CNOT4: variants seen among roughly 807,000 people sequenced by gnomAD.
CNOT4 encodes CCR4-associated factor 4.
In CNOT4, 8 loss-of-function variants were observed where a neutral mutation model predicts 73.8. The ratio of observed to expected loss-of-function variants is 0.11; its 90% CI spans 0.06 to 0.20. The LOEUF is 0.20. Ranked by LOEUF, CNOT4 falls within the 10% of genes least tolerant of loss-of-function variation. The pLI, the probability that CNOT4 is intolerant of heterozygous loss-of-function variation, is 1.00. For missense variants in CNOT4, 564 were observed against 883.4 expected (o/e 0.64, Z 4.58); for synonymous variants, 293 against 321.1 (o/e 0.91, Z 0.94).
chr7:135,417,992 AC>A (rs1797963703), intron 3 of CNOT4, among the ~76,000 whole-genome samples: 1 of 152,212 alleles, frequency 6.6e-6, no homozygotes, highest in Admixed American at 6.6e-5. Flanking sequence ...AAAGGAAGGT[AC>A]TACTTATTTA....
chr7:135,479,302 A>G (rs1449869178), intron 1 of CNOT4, among the ~76,000 whole-genome samples: 1 of 133,888 alleles, frequency 7.5e-6, no homozygotes, highest in African/African-American at 2.9e-5. Context: ...TCCACTTCCC[A>G]GGTTCAAGCA....
chr7:135,389,916 G>A (rs1014156254), intron 10 of CNOT4, among the ~76,000 whole-genome samples: 1 of 152,120 alleles, frequency 6.6e-6, no homozygotes, highest in Non-Finnish European at 1.5e-5. Flanking sequence ...TAGTTTTTCA[G>A]TAAATTGGCA....
intron 10 of CNOT4, among the ~76,000 whole-genome samples, chr7:135,368,762 G>A (rs1795044738): frequency 6.6e-6 from 1 of 152,090 alleles, no homozygotes; most frequent in Non-Finnish European, 1.5e-5. Flanking sequence ...CTGTTTACTA[G>A]GAAGTACACA....
chr7:135,471,578 G>C (rs1335225155), intron 1 of CNOT4, among the ~76,000 whole-genome samples: 1 of 152,132 alleles, frequency 6.6e-6, no homozygotes, highest in Non-Finnish European at 1.5e-5. Context: ...TAAAATTATA[G>C]GCAGAATAGC....
At chr7:135,508,284 T>G (rs1313453553) in intron 1 of CNOT4, among the ~76,000 whole-genome samples, 1 of 150,858 alleles carries the variant, frequency 6.6e-6, no homozygotes, top group East Asian at 1.9e-4. Context: ...CAGGGCTGCT[T>G]CTTCCCATTT....
intron 1 of CNOT4, among the ~76,000 whole-genome samples, chr7:135,477,488 C>A (rs895083597): frequency 2.4e-4 from 36 of 152,188 alleles, no homozygotes; most frequent in Admixed American, 9.2e-4. Flanking sequence ...CTTATAGACA[C>A]ACCCAATATA....
In CNOT4 at chr7:135,396,187, G is replaced by A. The variant is rs145039030; in HGVS notation, c.880-304C>T. Among the ~76,000 whole-genome samples, 1,103 of 136,758 alleles carry A rather than the reference G, an allele frequency of 8.1e-3. 17 individuals are homozygous for A. The highest frequency in any genetic ancestry group is 0.03 in the African/African-American group (1,039 of 34,798). 89.7% of individuals were successfully genotyped at this position (136,758 alleles called of 152,430 possible). A position where few individuals can be genotyped will look rare whatever the true frequency, so the allele number is the denominator to read the frequency against. Reference sequence around the variant, plus strand: ...GGCTGGAGTGCAGTGGCTTGATCTCGGCTCACTGCAACCTCGGCCTCCGGG... The same window carrying A: ...GGCTGGAGTGCAGTGGCTTGATCTCAGCTCACTGCAACCTCGGCCTCCGGG... On this transcript the variant is annotated intron_variant, in intron 8 of 11. Coordinates refer to ENST00000541284, the MANE Select transcript of CNOT4 (RefSeq NM_001190850.2).
At chr7:135,407,773 G>A (rs1252552506) in intron 7 of CNOT4, among the ~76,000 whole-genome samples, 1 of 152,198 alleles carries the variant, frequency 6.6e-6, no homozygotes, top group East Asian at 1.9e-4. Flanking sequence ...TGATCCGCCT[G>A]TCTCAGCCTC....
At chr7:135,498,890 A>T (rs1440656939) in intron 1 of CNOT4, among the ~76,000 whole-genome samples, 1 of 152,170 alleles carries the variant, frequency 6.6e-6, no homozygotes, top group Non-Finnish European at 1.5e-5. Context: ...TGACAGAAAA[A>T]AATTTAGGAG....
rs189064413 is a variant in CNOT4 at position 135,424,814 on chromosome 7, C to T, written c.175-2461G>A. Reference sequence around the variant, plus strand: ...AAAAACAAACAAACAAACAAACAAACAAAAAAAAACAAACAAGTTCATTTG... The same window carrying T: ...AAAAACAAACAAACAAACAAACAAATAAAAAAAAACAAACAAGTTCATTTG... On this transcript the variant is annotated intron_variant, in intron 2 of 11. Transcript: ENST00000541284. Among the ~76,000 whole-genome samples the T allele has an allele frequency of 9.9e-5, 15 of 150,832 alleles. No individual in the cohort carries two copies. In the East Asian group the frequency reaches 2.9e-3, roughly 29 times the overall value.
intron 3 of CNOT4, among the ~76,000 whole-genome samples, chr7:135,417,816 A>C (rs1483175178): frequency 6.6e-6 from 1 of 152,116 alleles, no homozygotes; most frequent in African/African-American, 2.4e-5. Flanking sequence ...CAAACAAATC[A>C]CTTGCAGATT....
At chr7:135,498,720 T>C (rs945373057) in intron 1 of CNOT4, among the ~76,000 whole-genome samples, 4 of 152,148 alleles carry the variant, frequency 2.6e-5, no homozygotes, top group African/African-American at 9.7e-5. Flanking sequence ...GGCTAATTTT[T>C]CTATTTTTAG....
chr7:135,367,312 GTTCATTTTCTTTTCTTTA>G (rs1794968328), intron 10 of CNOT4, among the ~76,000 whole-genome samples: 1 of 152,084 alleles, frequency 6.6e-6, no homozygotes, highest in African/African-American at 2.4e-5. Flanking sequence ...CCTGATGCAA[GTTCATTTTCTTTTCTTTA>G]TACAGGACTT....
intron 10 of CNOT4, among the ~76,000 whole-genome samples, chr7:135,382,976 T>G (rs1795931116): frequency 6.6e-6 from 1 of 152,172 alleles, no homozygotes; most frequent in Admixed American, 6.5e-5. Context: ...GGTCACCTCC[T>G]AAGTATACAA....
intron 7 of CNOT4, among the ~76,000 whole-genome samples, chr7:135,400,278 C>T (rs1796933334): frequency 6.6e-6 from 1 of 152,012 alleles, no homozygotes; most frequent in South Asian, 2.1e-4. Flanking sequence ...ACAGGTTAGG[C>T]TCCATAGGCC....
chr7:135,389,393 C>G (rs1036834646), intron 10 of CNOT4, among the ~76,000 whole-genome samples: 3 of 151,964 alleles, frequency 2.0e-5, no homozygotes, highest in Non-Finnish European at 2.9e-5. Flanking sequence ...AGTAAATTAA[C>G]ATACAGCATC....
intron 1 of CNOT4, among the ~76,000 whole-genome samples, chr7:135,487,396 GATA>G (rs1317974274): frequency 6.6e-6 from 1 of 151,714 alleles, no homozygotes; most frequent in Non-Finnish European, 1.5e-5. Context: ...ACCACACCCA[GATA>G]ATTTTTTTTT....
rs577135304 is a variant in CNOT4 at position 135,443,036 on chromosome 7, G to T, written c.-92-4613C>A. ...TTCACGCCACTGTACTCTAGCCTGG[G>T]TGATAGAGTGAAACCCTGTCTCAAC... On this transcript the variant is annotated intron_variant, in intron 1 of 11. Coordinates refer to ENST00000541284, the MANE Select transcript of CNOT4 (RefSeq NM_001190850.2). Among the ~76,000 whole-genome samples, 4 of 151,910 alleles carry T rather than the reference G, an allele frequency of 2.6e-5. No individual in the cohort carries two copies. The East Asian group carries it at 7.7e-4, about 29-fold the overall frequency.
chr7:135,444,314 C>G, intron 1 of CNOT4: 1 of 598,996 alleles, frequency 1.7e-6, no homozygotes, highest in South Asian at 1.8e-5. Context: ...TACTTGTGCA[C>G]CAGTGTTCCT....
Sources: allele counts gnomAD v4.1 joint callset (sites outside exome capture counted in the v4.1 genomes callset), GRCh38; gene constraint gnomAD v4.1.1; transcripts MANE v1.5; gene names NCBI Gene and HGNC (gene_info 2026-07-23, HGNC 2026-07-21).